The following NRCAM variants were observed in gnomAD, a reference collection of about 807,000 sequenced individuals.
The protein encoded by NRCAM is neuronal cell adhesion molecule.
NRCAM carries 83 observed loss-of-function variants against 156.5 expected under a neutral mutation model. The ratio of observed to expected loss-of-function variants is 0.53; its 90% CI spans 0.44 to 0.64. The LOEUF (loss-of-function observed/expected upper bound fraction) is 0.64, where lower values mean the gene tolerates loss of function less well. Ranked by LOEUF, NRCAM falls within the 30% of genes least tolerant of loss-of-function variation. The pLI, the probability that NRCAM is intolerant of heterozygous loss-of-function variation, is 0.00. For synonymous variants in NRCAM, 538 were observed against 563.9 expected (o/e 0.95, Z 0.65); for missense variants, 1,417 against 1,597.3 (o/e 0.89, Z 1.92).
At chr7:108,371,320 G>A (rs931405154) in intron 2 of NRCAM, among the ~76,000 whole-genome samples, 8 of 152,162 alleles carry the variant, frequency 5.3e-5, no homozygotes, top group Non-Finnish European at 1.2e-4. Context: ...AGAATGTGGG[G>A]ACAGGCACTT....
intron 2 of NRCAM, among the ~76,000 whole-genome samples, chr7:108,362,404 C>T (rs933986315): frequency 2.5e-4 from 38 of 152,130 alleles, no homozygotes; most frequent in African/African-American, 8.7e-4. Context: ...AACATTCAGA[C>T]CATAACAATG....
At chr7:108,332,958 A>T (rs992455103) in intron 2 of NRCAM, among the ~76,000 whole-genome samples, 2 of 152,234 alleles carry the variant, frequency 1.3e-5, no homozygotes, top group African/African-American at 4.8e-5. Flanking sequence ...AAAACATAAA[A>T]GGATCAAATC....
At chr7:108,350,946 A>G (rs2099407984) in intron 2 of NRCAM, among the ~76,000 whole-genome samples, 1 of 152,152 alleles carries the variant, frequency 6.6e-6, no homozygotes. Flanking sequence ...TTCATTCTTA[A>G]TTCTTGGGAA....
chr7:108,268,636 T>TG lies in NRCAM; in HGVS notation c.-106-28467dup, dbSNP rs1300340254. Among the ~76,000 whole-genome samples, 66 of 8,486 alleles carry TG rather than the reference T, an allele frequency of 7.8e-3. 3 individuals carry two copies. The highest frequency in any genetic ancestry group is 0.033 in the East Asian group (8 of 246). 5.6% of individuals were successfully genotyped at this position (8,486 alleles called of 152,430 possible). On this transcript the variant is annotated intron_variant, in intron 3 of 32. Coordinates refer to ENST00000379028, the MANE Select transcript of NRCAM (RefSeq NM_001037132.4). ...GGCGGGGGTGGGGGTGGGGGGGGGT[T>TG]GGGGGGGGCGGCGGTGGCGGGAAGA...
intron 2 of NRCAM, among the ~76,000 whole-genome samples, chr7:108,323,210 T>C (rs564568720): frequency 6.6e-6 from 1 of 152,348 alleles, no homozygotes; most frequent in East Asian, 1.9e-4. Context: ...AGAATGTGAA[T>C]GAAGTTTGCA....
At chr7:108,360,496 G>C (rs1163658907) in intron 2 of NRCAM, among the ~76,000 whole-genome samples, 2 of 152,148 alleles carry the variant, frequency 1.3e-5, no homozygotes, top group Non-Finnish European at 2.9e-5. Context: ...ATATTTCTAA[G>C]GCTAAAATTC....
intron 1 of NRCAM, among the ~76,000 whole-genome samples, chr7:108,453,689 T>A (rs1853174947): frequency 6.6e-6 from 1 of 152,194 alleles, no homozygotes; most frequent in Non-Finnish European, 1.5e-5. Flanking sequence ...AAAAGAAGGT[T>A]GAAACAAGAC....
Position 108,167,030 on chromosome 7 carries a change from G to C in NRCAM, c.3357C>G (p.Ser1119Arg). The C allele has an allele frequency of 6.2e-7, 1 of 1,613,880 alleles. No homozygotes were observed. Among genetic ancestry groups the C allele is most frequent in the Non-Finnish European group, 8.5e-7 (1 of 1,179,816 alleles). ...GCATTAGACCCTTTAACCCAAAGAAGCTCCGAGAACCATTTACAATTTCTT... is the reference window on the plus strand; with the variant it reads ...GCATTAGACCCTTTAACCCAAAGAACCTCCGAGAACCATTTACAATTTCTT... ...WRKEIVNGSR[S>R]FFGLKGLMPG... The change falls in exon 30 of 33, where the codon AGC (serine) becomes AGG (arginine). Residue 1119 changes from serine (S) to arginine (R), a missense_variant. Ser to Arg is a moderately radical substitution (Grantham distance 110). This residue lies in a region of NRCAM where 179 missense variants were observed against 260.9 expected (regional missense o/e 0.69). Transcript: ENST00000379028.
intron 3 of NRCAM, among the ~76,000 whole-genome samples, chr7:108,266,488 G>A (rs1370485584): frequency 6.6e-6 from 1 of 152,200 alleles, no homozygotes; most frequent in Non-Finnish European, 1.5e-5. Flanking sequence ...CACTGCACAT[G>A]AGGTTTACTA....
intron 32 of NRCAM, among the ~76,000 whole-genome samples, chr7:108,155,101 TACACACACACACACACACAC>T (rs58111040): frequency 8.1e-6 from 1 of 123,102 alleles, no homozygotes; most frequent in South Asian, 2.6e-4. Flanking sequence ...TATATATATA[TACACACACACACACACACAC>T]ACACACACAC....
chr7:108,352,442 A>G (rs1437982020), intron 2 of NRCAM, among the ~76,000 whole-genome samples: 1 of 152,238 alleles, frequency 6.6e-6, no homozygotes, highest in Non-Finnish European at 1.5e-5. Flanking sequence ...TTGGTTGGCC[A>G]ATATCAGAAC....
At chr7:108,258,533 G>A (rs775129727) in intron 3 of NRCAM, among the ~76,000 whole-genome samples, 4 of 152,166 alleles carry the variant, frequency 2.6e-5, no homozygotes, top group Non-Finnish European at 1.5e-5. Flanking sequence ...ACAGACCCAC[G>A]TGGGGGAAAA....
chr7:108,307,691 A>G (rs1245008318), intron 3 of NRCAM, among the ~76,000 whole-genome samples: 3 of 152,148 alleles, frequency 2.0e-5, no homozygotes, highest in Non-Finnish European at 4.4e-5. Context: ...AAAAAAAAAA[A>G]AACCCAAGCA....
At chr7:108,321,980 T>A (rs908765441) in intron 2 of NRCAM, among the ~76,000 whole-genome samples, 4 of 152,202 alleles carry the variant, frequency 2.6e-5, no homozygotes, top group African/African-American at 9.6e-5. Context: ...TGAAGGAGAA[T>A]GAATGCATTT....
intron 1 of NRCAM, among the ~76,000 whole-genome samples, chr7:108,400,159 A>G (rs2099788135): frequency 6.6e-6 from 1 of 152,240 alleles, no homozygotes; most frequent in South Asian, 2.1e-4. Flanking sequence ...ACACCATTAT[A>G]AGAAAGAAAA....
chr7:108,230,622 G>A (rs1303838943), intron 8 of NRCAM, among the ~76,000 whole-genome samples: 2 of 152,070 alleles, frequency 1.3e-5, no homozygotes, highest in African/African-American at 4.8e-5. Flanking sequence ...ACACAGCAGA[G>A]ATGCTCCTTC....
At chr7:108,267,168 C>T (rs138498891) in intron 3 of NRCAM, among the ~76,000 whole-genome samples, 2 of 152,324 alleles carry the variant, frequency 1.3e-5, no homozygotes, top group East Asian at 3.9e-4. Flanking sequence ...GTAAGCATCC[C>T]TCCATGCTCT....
rs58975301 is a variant in NRCAM, at chr7:108,335,434, C to CTTTTTTTTTTTTTTTTTTTTT, written c.-173-22724_-173-22704dup. ...ATGTCCTGTGGATCTGTTCCACCTG[C>CTTTTTTTTTTTTTTTTTTTTT]TTTTTTTTTTTTTTTTTTTTTTTTT... On this transcript the variant is annotated intron_variant, in intron 2 of 32. Transcript: ENST00000379028. Among the ~76,000 whole-genome samples, 33 of 69,868 alleles carry CTTTTTTTTTTTTTTTTTTTTT rather than the reference C, an allele frequency of 4.7e-4. 5 individuals are homozygous for CTTTTTTTTTTTTTTTTTTTTT. The highest frequency in any genetic ancestry group is 1.0e-3 in the East Asian group (2 of 1,914). The allele number at this position is 69,868 out of a possible 152,430, so 45.8% of individuals were successfully genotyped here. A position where few individuals can be genotyped will look rare whatever the true frequency, so the allele number is the denominator to read the frequency against.
intron 1 of NRCAM, among the ~76,000 whole-genome samples, chr7:108,455,319 C>A (rs1372329152): frequency 6.6e-6 from 1 of 152,212 alleles, no homozygotes; most frequent in African/African-American, 2.4e-5. Context: ...GGGGGCGGCG[C>A]TCGGCGCAGA....
Sources: gnomAD v4.1 joint callset for allele counts (sites outside exome capture counted in the v4.1 genomes callset) on GRCh38, gnomAD v4.1.1 for gene constraint, gnomAD v4.1.1 regional missense constraint, MANE v1.5 for transcripts, NCBI Gene and HGNC (gene_info 2026-07-23, HGNC 2026-07-21) for gene names.